The following WWOX variants were observed in gnomAD, a reference collection of about 807,000 sequenced individuals.
WWOX encodes the protein WW domain-containing oxidoreductase.
A neutral mutation model predicts 46.2 loss-of-function variants in WWOX; 69 were observed. The ratio of observed to expected loss-of-function variants is 1.49; its 90% confidence interval spans 1.23 to 1.82. WWOX has a LOEUF of 1.82. Ranked by LOEUF, WWOX falls within the 40% of genes most tolerant of loss-of-function variation. The pLI is 0.00. For synonymous variants in WWOX, 359 were observed against 202.6 expected (o/e 1.77, Z -6.56); for missense variants, 919 against 542.6 (o/e 1.69, Z -6.89).
chr16:78,429,681 A>C (rs2083172712), intron 7 of WWOX, among the ~76,000 whole-genome samples: 5 of 152,236 alleles, frequency 3.3e-5, no homozygotes, highest in Admixed American at 3.3e-4. Flanking sequence ...TTCTCAACTC[A>C]GTAGCACCTT....
intron 8 of WWOX, among the ~76,000 whole-genome samples, chr16:78,799,524 T>C (rs1453826892): frequency 6.6e-6 from 1 of 152,222 alleles, no homozygotes; most frequent in Admixed American, 6.5e-5. Context: ...CATGTCATTT[T>C]AGACCCCAAA....
At chr16:78,700,994 G>A (rs1175867334) in intron 8 of WWOX, among the ~76,000 whole-genome samples, 2 of 152,114 alleles carry the variant, frequency 1.3e-5, no homozygotes, top group Non-Finnish European at 2.9e-5. Context: ...ATGTCCTGGA[G>A]CTAGGCTGCC....
intron 8 of WWOX, among the ~76,000 whole-genome samples, chr16:79,153,939 C>T (rs1044202196): frequency 7.8e-5 from 11 of 140,452 alleles, no homozygotes; most frequent in African/African-American, 3.2e-4. Flanking sequence ...CTGGACTGTC[C>T]ACAATTTCTT....
chr16:79,134,822 G>A (rs950186531), intron 8 of WWOX, among the ~76,000 whole-genome samples: 4 of 152,126 alleles, frequency 2.6e-5, no homozygotes, highest in Admixed American at 6.5e-5. Context: ...CATTTGACAC[G>A]GGATGGCCTA....
At chr16:78,791,490 G>T (rs1034467942) in intron 8 of WWOX, among the ~76,000 whole-genome samples, 1 of 152,156 alleles carries the variant, frequency 6.6e-6, no homozygotes, top group African/African-American at 2.4e-5. Context: ...ACTTTGCCCT[G>T]TCGTGGTCTT....
chr16:79,171,946 C>T (rs16949762), intron 8 of WWOX, among the ~76,000 whole-genome samples: 3 of 152,124 alleles, frequency 2.0e-5, no homozygotes, highest in Non-Finnish European at 1.5e-5. Flanking sequence ...TTTCGATATA[C>T]GCATAAGCTT....
At chr16:78,213,278 C>T (rs1225226341) in intron 5 of WWOX, among the ~76,000 whole-genome samples, 5 of 146,194 alleles carry the variant, frequency 3.4e-5, no homozygotes, top group South Asian at 2.2e-4. Context: ...AAAAATCTTT[C>T]AGGGATCCAG....
chr16:78,998,754 G>A (rs2134998), intron 8 of WWOX, among the ~76,000 whole-genome samples: 1 of 152,066 alleles, frequency 6.6e-6, no homozygotes, highest in Admixed American at 6.5e-5. Context: ...GGAAACAAGC[G>A]TTGCTTCTAT....
At chr16:78,334,831 C>T (rs369570075) in intron 5 of WWOX, among the ~76,000 whole-genome samples, 23 of 126,104 alleles carry the variant, frequency 1.8e-4, no homozygotes, top group Admixed American at 6.8e-4. Context: ...CACACACACA[C>T]ATACACACAC....
chr16:79,182,187 C>G (rs1364980609), intron 8 of WWOX, among the ~76,000 whole-genome samples: 1 of 151,702 alleles, frequency 6.6e-6, no homozygotes, highest in Non-Finnish European at 1.5e-5. Flanking sequence ...TTTTCATCTT[C>G]AGGTCATGCC....
chr16:78,861,144 C>G (rs924336497), intron 8 of WWOX, among the ~76,000 whole-genome samples: 1 of 152,096 alleles, frequency 6.6e-6, no homozygotes, highest in Non-Finnish European at 1.5e-5. Context: ...TGCCTGCCTG[C>G]CTTTCCTCCC....
At chr16:78,883,536 G>A (rs551249212) in intron 8 of WWOX, among the ~76,000 whole-genome samples, 3 of 151,936 alleles carry the variant, frequency 2.0e-5, no homozygotes, top group African/African-American at 7.3e-5. Context: ...CCAGCCTGGC[G>A]AACATGGCAA....
At chr16:78,589,516 C>G (rs2045301677) in intron 8 of WWOX, among the ~76,000 whole-genome samples, 2 of 152,168 alleles carry the variant, frequency 1.3e-5, no homozygotes, top group East Asian at 1.9e-4. Context: ...GCCCATGGCA[C>G]TCAAGAGTCC....
At chr16:79,210,324 A>G (rs1383993715) in intron 8 of WWOX, among the ~76,000 whole-genome samples, 1 of 152,166 alleles carries the variant, frequency 6.6e-6, no homozygotes, top group Non-Finnish European at 1.5e-5. Flanking sequence ...ATTTCTCAGT[A>G]TGGACCTGAC....
At chr16:78,793,152 A>G (rs1434332284) in intron 8 of WWOX, among the ~76,000 whole-genome samples, 1 of 152,140 alleles carries the variant, frequency 6.6e-6, no homozygotes, top group Non-Finnish European at 1.5e-5. Flanking sequence ...AGGTCACTGC[A>G]ACTGCTGTCT....
At chr16:78,508,367 A>G (rs2151483300) in intron 8 of WWOX, among the ~76,000 whole-genome samples, 1 of 127,698 alleles carries the variant, frequency 7.8e-6, no homozygotes, top group African/African-American at 3.3e-5. Context: ...TGTTAGTGTT[A>G]GTGTAGTTTA....
intron 5 of WWOX, among the ~76,000 whole-genome samples, chr16:78,200,141 T>C (rs568720686): frequency 8.5e-5 from 13 of 152,100 alleles, no homozygotes; most frequent in Non-Finnish European, 1.5e-4. Flanking sequence ...AGGCCAGACA[T>C]TGAGTCAGCT....
chr16:79,194,065 C>CTG (rs35035063), intron 8 of WWOX, among the ~76,000 whole-genome samples: 108 of 152,022 alleles, frequency 7.1e-4, no homozygotes, highest in African/African-American at 1.2e-3. Context: ...TATGAAGATT[C>CTG]TGTGTGTGTG....
intron 8 of WWOX, among the ~76,000 whole-genome samples, chr16:78,914,880 G>GAAAAA (rs10706775): frequency 2.9e-5 from 2 of 69,396 alleles, no homozygotes; most frequent in African/African-American, 6.2e-5. Flanking sequence ...CTCCGCCTCA[G>GAAAAA]AAAAAAAAAA....
Sources: allele counts gnomAD v4.1 joint callset (sites outside exome capture counted in the v4.1 genomes callset), GRCh38; gene constraint gnomAD v4.1.1; transcripts MANE v1.5; gene names NCBI Gene and HGNC (gene_info 2026-07-23, HGNC 2026-07-21).